Variants in SLC25A31 observed in about 807,000 individuals in gnomAD.
SLC25A31 encodes solute carrier family 25 member 31, also known as ADP/ATP translocase 4.
A neutral mutation model predicts 36.2 loss-of-function variants in SLC25A31; 40 were observed. The observed-to-expected ratio is 1.10, with a 90% CI of 0.86 to 1.44. The LOEUF (loss-of-function observed/expected upper bound fraction) is 1.44. SLC25A31 is among the 40% of genes most tolerant of loss of function. SLC25A31 has a pLI of 0.00. For missense variants in SLC25A31, 350 were observed against 397.1 expected, an observed-to-expected ratio of 0.88 and a Z score of 1.01; for synonymous variants, 143 against 149.7, an observed-to-expected ratio of 0.96 and a Z score of 0.32.
chr4:127,751,906 AAGTC>A (rs1578663046), intron 2 of SLC25A31, among the ~76,000 whole-genome samples: 1 of 152,126 alleles, frequency 6.6e-6, no homozygotes, highest in East Asian at 1.9e-4. Flanking sequence ...AATCATTAAA[AAGTC>A]AGGAAACAAC....
intron 1 of SLC25A31, among the ~76,000 whole-genome samples, chr4:127,733,878 C>T (rs1731575674): frequency 6.6e-6 from 1 of 152,168 alleles, no homozygotes. Context: ...CTTTCCATTA[C>T]AAGAATAGAT....
At chr4:127,731,975 A>G (rs1452502550) in intron 1 of SLC25A31, among the ~76,000 whole-genome samples, 1 of 152,180 alleles carries the variant, frequency 6.6e-6, no homozygotes, top group Non-Finnish European at 1.5e-5. Context: ...ATTTTTGTTC[A>G]TCATTGATTT....
chr4:127,768,656 C>A, intron 4 of SLC25A31, 96 bp from the exon 5 acceptor site: 1 of 1,015,898 alleles, frequency 9.8e-7, no homozygotes, highest in Admixed American at 3.5e-5. Context: ...TATAATTGGG[C>A]CCTCTTTCAT....
At chr4:127,757,883 G>A (rs754908177) in intron 2 of SLC25A31, among the ~76,000 whole-genome samples, 1 of 152,078 alleles carries the variant, frequency 6.6e-6, no homozygotes, top group Non-Finnish European at 1.5e-5. Context: ...TAGTGTATTA[G>A]TCCATTTTCA....
Position 127,773,396 on chromosome 4 carries a change from C to T in SLC25A31, c.770C>T (p.Ala257Val). The T allele has an allele frequency of 6.2e-7, 1 of 1,611,968 alleles. No individual in the cohort carries two copies. Among genetic ancestry groups the T allele is most frequent in the Non-Finnish European group, 8.5e-7 (1 of 1,179,432 alleles). The change falls in exon 6 of 6, where the codon GCT becomes GTT. Residue 257 changes from alanine to valine, a missense_variant. Coordinates refer to ENST00000281154, the MANE Select transcript of SLC25A31 (RefSeq NM_031291.4). ...RRRMMMQSGE[A>V]KRQYKGTLDC... is the part of the protein sequence containing the mutation. ...TTTTTCTTTGTATAGAGTGGTGAGG[C>T]TAAACGGCAATATAAAGGAACCTTA...
chr4:127,736,111 G>C (rs1352868034), intron 1 of SLC25A31, among the ~76,000 whole-genome samples: 1 of 151,412 alleles, frequency 6.6e-6, no homozygotes, highest in African/African-American at 2.4e-5. Flanking sequence ...GGATGGTCTC[G>C]ATCTCCTGAC....
At chr4:127,746,173 T>C (rs1319789143) in intron 2 of SLC25A31, among the ~76,000 whole-genome samples, 1 of 152,244 alleles carries the variant, frequency 6.6e-6, no homozygotes, top group Non-Finnish European at 1.5e-5. Context: ...TCGCATGTTA[T>C]ATATGTACCA....
At position 127,745,382 on chromosome 4, in the gene SLC25A31, C is replaced by T. The variant is rs928195129; in HGVS notation, c.360+583C>T. 3.3e-5 allele frequency among the ~76,000 whole-genome samples: 5 copies of T among 151,706 alleles called. No homozygotes were observed. The South Asian group carries it at 1.0e-3, about 32-fold the overall frequency. On this transcript the variant is annotated intron_variant, in intron 2 of 5. Transcript: ENST00000281154. ...CAAAATTTCCTACTCATATAAACTA[C>T]ATGTTATTTATTCTGATTTCTATTT...
chr4:127,757,176 G>A (rs983953509), intron 2 of SLC25A31, among the ~76,000 whole-genome samples: 12 of 152,212 alleles, frequency 7.9e-5, no homozygotes, highest in African/African-American at 2.6e-4. Flanking sequence ...ATACATACAC[G>A]TCTGTTACAT....
intron 1 of SLC25A31, among the ~76,000 whole-genome samples, chr4:127,739,226 A>G (rs1731689300): frequency 6.6e-6 from 1 of 152,094 alleles, no homozygotes. Context: ...TTGTGGTAGC[A>G]GGTATTTTTC....
chr4:127,745,104 G>A (rs533717444), intron 2 of SLC25A31, among the ~76,000 whole-genome samples: 1 of 152,072 alleles, frequency 6.6e-6, no homozygotes, highest in African/African-American at 2.4e-5. Context: ...ATGGCATTTT[G>A]TCTGCTTATT....
chr4:127,741,159 A>G (rs1264681774), intron 1 of SLC25A31, among the ~76,000 whole-genome samples: 1 of 152,212 alleles, frequency 6.6e-6, no homozygotes, highest in Non-Finnish European at 1.5e-5. Context: ...GGTTTTCTGT[A>G]TGTAAGATCA....
At chr4:127,772,284 CTG>C (rs1732378329) in intron 5 of SLC25A31, among the ~76,000 whole-genome samples, 1 of 152,178 alleles carries the variant, frequency 6.6e-6, no homozygotes, top group South Asian at 2.1e-4. Flanking sequence ...CTTTTCTACT[CTG>C]TTGGTAAATT....
intron 2 of SLC25A31, among the ~76,000 whole-genome samples, chr4:127,750,058 G>A (rs1731899471): frequency 6.6e-6 from 1 of 152,068 alleles, no homozygotes; most frequent in Non-Finnish European, 1.5e-5. Flanking sequence ...AAAAAAAAAT[G>A]TCAGCCAAGA....
intron 5 of SLC25A31, among the ~76,000 whole-genome samples, chr4:127,769,509 C>A (rs1732309949): frequency 6.6e-6 from 1 of 152,132 alleles, no homozygotes; most frequent in Admixed American, 6.5e-5. Flanking sequence ...GCAAATATTT[C>A]AAAATCTGAA....
At chr4:127,757,830 G>C (rs1389077355) in intron 2 of SLC25A31, among the ~76,000 whole-genome samples, 1 of 152,094 alleles carries the variant, frequency 6.6e-6, no homozygotes, top group Non-Finnish European at 1.5e-5. Context: ...ACTAGTGTGA[G>C]ATGGTATCTC....
At chr4:127,737,263 A>G (rs999837066) in intron 1 of SLC25A31, among the ~76,000 whole-genome samples, 1 of 152,214 alleles carries the variant, frequency 6.6e-6, no homozygotes, top group African/African-American at 2.4e-5. Context: ...GACCTAACCC[A>G]TTAAGAATTG....
chr4:127,767,299 G>A (rs1375589329), intron 4 of SLC25A31, 79 bp downstream of exon 4: 3 of 1,168,594 alleles, frequency 2.6e-6, no homozygotes, highest in Non-Finnish European at 3.4e-6. Context: ...CAGCAGATAT[G>A]TTACTTTTAA....
chr4:127,770,772 C>T (rs1732341592), intron 5 of SLC25A31, among the ~76,000 whole-genome samples: 1 of 151,956 alleles, frequency 6.6e-6, no homozygotes, highest in Admixed American at 6.6e-5. Context: ...GGGCTGGTGT[C>T]ACCCACAAAA....
Sources: gnomAD v4.1 joint callset for allele counts (sites outside exome capture counted in the v4.1 genomes callset) on GRCh38, gnomAD v4.1.1 for gene constraint, MANE v1.5 for transcripts, NCBI Gene and HGNC (gene_info 2026-07-23, HGNC 2026-07-21) for gene names.